CCDC91: variants seen among roughly 807,000 people sequenced by gnomAD.
CCDC91 encodes the protein coiled-coil domain containing 91, also known as coiled-coil domain-containing protein 91.
CCDC91 carries 48 observed loss-of-function variants against 63.2 expected under a neutral mutation model. The ratio of observed to expected loss-of-function variants is 0.76; its 90% CI spans 0.60 to 0.97. The LOEUF (loss-of-function observed/expected upper bound fraction) is 0.97. Ranked by LOEUF, CCDC91 falls within the 50% of genes least tolerant of loss-of-function variation. The pLI is 0.00. For synonymous variants in CCDC91, 167 were observed against 165.8 expected (o/e 1.01, Z -0.06); for missense variants, 500 against 494.6 (o/e 1.01, Z -0.10).
chr12:28,261,082 T>C (rs1946796204), intron 3 of CCDC91, among the ~76,000 whole-genome samples: 1 of 152,032 alleles, frequency 6.6e-6, no homozygotes, highest in South Asian at 2.1e-4. Flanking sequence ...CAGGACTGTC[T>C]GGATGTGACA....
At chr12:28,422,726 C>T (rs1042061273) in intron 8 of CCDC91, among the ~76,000 whole-genome samples, 1 of 152,086 alleles carries the variant, frequency 6.6e-6, no homozygotes, top group African/African-American at 2.4e-5. Flanking sequence ...AAACTGAAAT[C>T]TGTTACAAAA....
chr12:28,496,058 G>T (rs532966017), intron 12 of CCDC91, among the ~76,000 whole-genome samples: 3 of 151,652 alleles, frequency 2.0e-5, no homozygotes, highest in African/African-American at 7.2e-5. Context: ...TATCAACCAG[G>T]GTTCTTCTTT....
chr12:28,375,943 C>T (rs1042887888), intron 7 of CCDC91, among the ~76,000 whole-genome samples: 1 of 151,714 alleles, frequency 6.6e-6, no homozygotes, highest in Non-Finnish European at 1.5e-5. Flanking sequence ...TTTTAAGGTC[C>T]ACTCAACAGT....
chr12:28,504,095 A>G lies in CCDC91; in HGVS notation c.1215+19930A>G, dbSNP rs547671183. 1.6e-4 allele frequency among the ~76,000 whole-genome samples: 24 copies of G among 151,174 alleles called. 1 individual carries two copies. In the South Asian group the frequency reaches 5.0e-3, roughly 32 times the overall value. The stretch of plus-strand genomic sequence containing the variant: ...AAACTTAAAGTGTAAAAATAATAAA[A>G]TAAATTAATTTAAAAAAGACTCCAA... On this transcript the variant is annotated intron_variant, in intron 12 of 12. Transcript: ENST00000536442.
intron 7 of CCDC91, among the ~76,000 whole-genome samples, chr12:28,386,941 A>G (rs1454564223): frequency 6.6e-6 from 1 of 152,160 alleles, no homozygotes; most frequent in Admixed American, 6.5e-5. Context: ...TCTTTCATAT[A>G]TCTTTTTTTA....
At chr12:28,452,177 C>T (rs1415718041) in intron 10 of CCDC91, among the ~76,000 whole-genome samples, 1 of 150,882 alleles carries the variant, frequency 6.6e-6, no homozygotes, top group East Asian at 1.9e-4. Flanking sequence ...CTTTGATATC[C>T]TCAATAATTT....
intron 6 of CCDC91, among the ~76,000 whole-genome samples, chr12:28,348,890 A>G (rs1307259339): frequency 6.6e-6 from 1 of 151,478 alleles, no homozygotes; most frequent in Non-Finnish European, 1.5e-5. Flanking sequence ...TGTCTGACTA[A>G]TTTTTCTACT....
At chr12:28,212,869 A>G (rs1943322262) in intron 1 of CCDC91, among the ~76,000 whole-genome samples, 1 of 152,220 alleles carries the variant, frequency 6.6e-6, no homozygotes, top group Non-Finnish European at 1.5e-5. Context: ...AGTCCTGACT[A>G]TATTTCAAGT....
intron 11 of CCDC91, among the ~76,000 whole-genome samples, chr12:28,478,484 T>C (rs1951246706): frequency 6.6e-6 from 1 of 152,020 alleles, no homozygotes; most frequent in African/African-American, 2.4e-5. Context: ...AAGACTTAAA[T>C]GTTAGACCTA....
intron 6 of CCDC91, among the ~76,000 whole-genome samples, chr12:28,352,590 A>G (rs923541991): frequency 1.1e-4 from 16 of 152,156 alleles, no homozygotes; most frequent in African/African-American, 3.9e-4. Context: ...TTCGAGTGTT[A>G]TGTAATTGCA....
At chr12:28,236,984 A>G (rs1340907589) in intron 1 of CCDC91, among the ~76,000 whole-genome samples, 1 of 152,104 alleles carries the variant, frequency 6.6e-6, no homozygotes, top group Non-Finnish European at 1.5e-5. Flanking sequence ...ATTTGAATAT[A>G]GTAGGGACTC....
At chr12:28,228,760 G>T (rs1944422202) in intron 1 of CCDC91, among the ~76,000 whole-genome samples, 1 of 152,094 alleles carries the variant, frequency 6.6e-6, no homozygotes, top group African/African-American at 2.4e-5. Flanking sequence ...GGTTGGAAAT[G>T]AAAGAAAGCT....
intron 8 of CCDC91, among the ~76,000 whole-genome samples, chr12:28,447,837 AAGGGGAGGGGAGGGG>A (rs771382017): frequency 4.4e-4 from 4 of 9,042 alleles, no homozygotes; most frequent in South Asian, 0.02. Flanking sequence ...GAGGGGAGGG[AAGGGGAGGGGAGGGG>A]AGGGGAGGGG....
At chr12:28,520,025 A>G (rs1366790720) in intron 12 of CCDC91, among the ~76,000 whole-genome samples, 2 of 152,118 alleles carry the variant, frequency 1.3e-5, no homozygotes, top group Admixed American at 6.6e-5. Context: ...TAGTGCCGCA[A>G]TAAACATACC....
chr12:28,397,792 A>G (rs1041664868), intron 8 of CCDC91, among the ~76,000 whole-genome samples: 1 of 152,156 alleles, frequency 6.6e-6, no homozygotes, highest in African/African-American at 2.4e-5. Flanking sequence ...ATAAAATGCT[A>G]CCAATACACA....
chr12:28,257,846 G>T (rs1450565892), intron 2 of CCDC91, among the ~76,000 whole-genome samples: 1 of 151,546 alleles, frequency 6.6e-6, no homozygotes, highest in Non-Finnish European at 1.5e-5. Context: ...TATGGAGCCA[G>T]TATAGTCTTG....
chr12:28,387,538 C>T (rs983587365), intron 7 of CCDC91, among the ~76,000 whole-genome samples: 5 of 152,066 alleles, frequency 3.3e-5, no homozygotes, highest in Admixed American at 6.6e-5. Flanking sequence ...TCCCTCACCC[C>T]CTTCCTACCC....
intron 11 of CCDC91, among the ~76,000 whole-genome samples, chr12:28,453,680 C>T (rs1373382109): frequency 1.3e-5 from 2 of 151,816 alleles, no homozygotes; most frequent in East Asian, 1.9e-4. Flanking sequence ...AGCAATATTA[C>T]CTTCTAATTC....
At chr12:28,447,983 A>G (rs754799922) in intron 8 of CCDC91, among the ~76,000 whole-genome samples, 6 of 152,132 alleles carry the variant, frequency 3.9e-5, no homozygotes, top group Non-Finnish European at 8.8e-5. Context: ...AATCGGAAGC[A>G]TAGATTACTC....
Sources: gnomAD v4.1 joint callset for allele counts (sites outside exome capture counted in the v4.1 genomes callset) on GRCh38, gnomAD v4.1.1 for gene constraint, MANE v1.5 for transcripts, NCBI Gene and HGNC (gene_info 2026-07-23, HGNC 2026-07-21) for gene names.